Variants in NAALADL2 observed in about 807,000 individuals in gnomAD.
The protein encoded by NAALADL2 is inactive N-acetylated-alpha-linked acidic dipeptidase-like protein 2.
In NAALADL2, 76 loss-of-function variants were observed where a neutral mutation model predicts 87.2. That is an observed-to-expected ratio of 0.87 (90% CI 0.72 to 1.05). The LOEUF (loss-of-function observed/expected upper bound fraction) is 1.05. Among genes scored for constraint, NAALADL2 ranks in the 50% least tolerant of loss-of-function variants. The probability of loss-of-function intolerance (pLI) is 0.00; values close to 1 mark genes in which losing one functional copy is unlikely to be tolerated. For synonymous variants in NAALADL2, 354 were observed against 331.0 expected, an observed-to-expected ratio of 1.07 and a Z score of -0.75; for missense variants, 1,089 against 945.8, an observed-to-expected ratio of 1.15 and a Z score of -1.99.
At position 175,809,741 on chromosome 3, in the gene NAALADL2, G is replaced by A. The variant is rs1286102539; in HGVS notation, c.*6538G>A. 1 of 151,750 alleles carries A rather than the reference G, an allele frequency of 6.6e-6. No individual in the cohort carries two copies. Among genetic ancestry groups the A allele is most frequent in the African/African-American group, 2.4e-5 (1 of 41,358 alleles). The allele number at this position is 151,750 out of a possible 1,614,324, so 9.4% of individuals were successfully genotyped here. A position where few individuals can be genotyped will look rare whatever the true frequency, so the allele number is the denominator to read the frequency against. The stretch of plus-strand genomic sequence containing the variant: ...CATGCTGTTGATAGTAGTTTTATAT[G>A]TATTTGGAATGTTAATATGGGACAC... On this transcript the variant is annotated 3_prime_UTR_variant, in exon 14 of 14. Coordinates refer to ENST00000454872, the MANE Select transcript of NAALADL2 (RefSeq NM_207015.3).
intron 1 of NAALADL2, among the ~76,000 whole-genome samples, chr3:174,474,945 A>G (rs1244316948): frequency 6.6e-6 from 1 of 152,084 alleles, no homozygotes; most frequent in Non-Finnish European, 1.5e-5. Context: ...TGATATAGAC[A>G]TTGCCCTTAG....
intron 1 of NAALADL2, among the ~76,000 whole-genome samples, chr3:174,484,132 T>C (rs577827921): frequency 6.6e-6 from 1 of 151,668 alleles, no homozygotes; most frequent in Admixed American, 6.6e-5. Flanking sequence ...ATTTACATTA[T>C]GGTATAGCTC....
intron 1 of NAALADL2, among the ~76,000 whole-genome samples, chr3:174,466,004 G>A (rs1034309010): frequency 2.0e-5 from 3 of 152,166 alleles, no homozygotes; most frequent in Admixed American, 1.3e-4. Flanking sequence ...CACAGTGGTG[G>A]TAGAGTAGTC....
rs1329854393 is a variant in NAALADL2, at chr3:175,661,974, TG to T, written c.1896+34590del. Reference sequence around the variant, plus strand: ...TCTTCCCAGGGTTGCTTTGGCTATTTGGTGTCTTTTGTGGTTCCATACACAT... The same window carrying T: ...TCTTCCCAGGGTTGCTTTGGCTATTTGTGTCTTTTGTGGTTCCATACACAT... On this transcript the variant is annotated intron_variant, in intron 11 of 13. Coordinates refer to ENST00000454872, the MANE Select transcript of NAALADL2 (RefSeq NM_207015.3). 3.9e-5 allele frequency among the ~76,000 whole-genome samples: 6 copies of T among 152,164 alleles called. No individual in the cohort carries two copies. In the South Asian group the frequency reaches 8.3e-4, roughly 21 times the overall value.
intron 2 of NAALADL2, among the ~76,000 whole-genome samples, chr3:174,555,390 C>T (rs987319715): frequency 1.9e-4 from 29 of 152,166 alleles, no homozygotes; most frequent in Admixed American, 3.3e-4. Context: ...ACCTCCGCCT[C>T]CTGGATTCAA....
chr3:175,718,223 T>TTTTTTTTTTTTTTG, intron 11 of NAALADL2: 2 of 1,009,326 alleles, frequency 2.0e-6, no homozygotes, highest in Non-Finnish European at 2.9e-6. Context: ...TTTTTTTTTT[T>TTTTTTTTTTTTTTG]GATTAGTTGC....
intron 2 of NAALADL2, among the ~76,000 whole-genome samples, chr3:174,676,043 C>A (rs973301618): frequency 6.6e-6 from 1 of 152,010 alleles, no homozygotes; most frequent in East Asian, 1.9e-4. Context: ...TCATGATGAA[C>A]TAGAAAATTG....
intron 3 of NAALADL2, among the ~76,000 whole-genome samples, chr3:175,247,485 T>G (rs776939864): frequency 5.9e-5 from 9 of 152,064 alleles, no homozygotes; most frequent in Non-Finnish European, 1.0e-4. Context: ...GGCAAAATAA[T>G]GAGTCAAATG....
In NAALADL2 at chr3:175,803,747, T is replaced by C. The variant is rs1754457816; in HGVS notation, c.*544T>C. 1 of 152,472 alleles carries C rather than the reference T, an allele frequency of 6.6e-6. No individual in the cohort carries two copies. Among genetic ancestry groups the C allele is most frequent in the Non-Finnish European group, 1.5e-5 (1 of 67,984 alleles). The allele number at this position is 152,472 out of a possible 1,614,324, so 9.4% of individuals were successfully genotyped here. ...ATGAAGTTTCTCTTCTTAACACAAC[T>C]AGATGTAGTAATACACTGGTTATGA... On this transcript the variant is annotated 3_prime_UTR_variant, in exon 14 of 14. Coordinates refer to ENST00000454872, the MANE Select transcript of NAALADL2 (RefSeq NM_207015.3).
intron 2 of NAALADL2, among the ~76,000 whole-genome samples, chr3:175,101,544 T>C (rs1403711750): frequency 6.6e-6 from 1 of 152,214 alleles, no homozygotes; most frequent in Non-Finnish European, 1.5e-5. Flanking sequence ...AGAAATGACA[T>C]ATACACACAC....
chr3:174,450,463 A>G (rs1715403264), intron 1 of NAALADL2, among the ~76,000 whole-genome samples: 2 of 152,226 alleles, frequency 1.3e-5, no homozygotes, highest in African/African-American at 4.8e-5. Context: ...CTCATTGTCC[A>G]GATACAGTGA....
In NAALADL2 at chr3:175,355,000, T is replaced by C. The variant is rs185654792; in HGVS notation, c.1090+30675T>C. Reference sequence around the variant, plus strand: ...TATATAATTTTTCCAATTTTATTTATATATATAATTGCTATATATATATGT... The same window carrying C: ...TATATAATTTTTCCAATTTTATTTACATATATAATTGCTATATATATATGT... On this transcript the variant is annotated intron_variant, in intron 5 of 13. Transcript: ENST00000454872. Among the ~76,000 whole-genome samples, 559 of 147,838 alleles carry C rather than the reference T, an allele frequency of 3.8e-3. 3 individuals are homozygous for C. Among genetic ancestry groups the C allele is most frequent in the Middle Eastern group, 0.011 (3 of 284 alleles).
chr3:175,496,012 G>A (rs1728762689), intron 9 of NAALADL2, among the ~76,000 whole-genome samples: 1 of 151,932 alleles, frequency 6.6e-6, no homozygotes, highest in South Asian at 2.1e-4. Flanking sequence ...TTATTCAAGT[G>A]CCATCTACTC....
intron 2 of NAALADL2, among the ~76,000 whole-genome samples, chr3:175,123,983 G>A (rs1193765085): frequency 6.6e-6 from 1 of 151,908 alleles, no homozygotes; most frequent in South Asian, 2.1e-4. Flanking sequence ...CTTAAGGAAA[G>A]AGAAAAGAAC....
chr3:174,875,243 A>AT (rs1485549886), intron 1 of NAALADL2, among the ~76,000 whole-genome samples: 2 of 151,634 alleles, frequency 1.3e-5, no homozygotes, highest in East Asian at 3.9e-4. Flanking sequence ...TTTCTGACTT[A>AT]TTTTACATGT....
At chr3:174,565,692 A>T (rs1714173205) in intron 2 of NAALADL2, among the ~76,000 whole-genome samples, 1 of 152,000 alleles carries the variant, frequency 6.6e-6, no homozygotes, top group Non-Finnish European at 1.5e-5. Flanking sequence ...TGAATGCTAA[A>T]GATTGGGATT....
chr3:175,377,182 C>T (rs1328448653), intron 5 of NAALADL2, among the ~76,000 whole-genome samples: 1 of 151,900 alleles, frequency 6.6e-6, no homozygotes, highest in African/African-American at 2.4e-5. Flanking sequence ...GCCGGTGGTG[C>T]ACACCTGTAA....
chr3:175,714,740 C>G (rs893702816), intron 11 of NAALADL2, among the ~76,000 whole-genome samples: 10 of 152,090 alleles, frequency 6.6e-5, no homozygotes, highest in Non-Finnish European at 1.3e-4. Flanking sequence ...TTAATTAGAT[C>G]CCATTTGTCA....
chr3:174,978,649 C>T (rs78471440), intron 1 of NAALADL2, among the ~76,000 whole-genome samples: 6,834 of 152,212 alleles, frequency 0.045, 237 homozygotes, highest in Non-Finnish European at 0.073. Context: ...TCGTGAAAAA[C>T]TTTGGAAGGT....
Sources: gnomAD v4.1 joint callset for allele counts (sites outside exome capture counted in the v4.1 genomes callset) on GRCh38, gnomAD v4.1.1 for gene constraint, MANE v1.5 for transcripts, NCBI Gene and HGNC (gene_info 2026-07-23, HGNC 2026-07-21) for gene names.